Variants in FANCL observed in about 807,000 individuals in gnomAD.
FANCL encodes FA complementation group L.
In FANCL, 69 loss-of-function variants were observed where a neutral mutation model predicts 59.4. The ratio of observed to expected loss-of-function variants is 1.16; its 90% CI spans 0.96 to 1.42. The LOEUF is 1.42. Ranked by LOEUF, FANCL falls within the 40% of genes most tolerant of loss-of-function variation. The probability of loss-of-function intolerance (pLI) is 0.00; values close to 1 mark genes in which losing one functional copy is unlikely to be tolerated. For missense variants in FANCL, 519 were observed against 447.2 expected, an observed-to-expected ratio of 1.16 and a Z score of -1.45; for synonymous variants, 180 against 147.1, an observed-to-expected ratio of 1.22 and a Z score of -1.62.
rs569712852 is a variant in FANCL at position 58,223,920 on chromosome 2, C to A, written c.274-1878G>T. Among the ~76,000 whole-genome samples the A allele has an allele frequency of 3.8e-4, 57 of 151,936 alleles. 1 individual carries two copies. The South Asian group carries it at 0.01, about 27-fold the overall frequency. On this transcript the variant is annotated intron_variant, in intron 4 of 13. Coordinates refer to ENST00000233741, the MANE Select transcript of FANCL (RefSeq NM_018062.4). ...TTTATTGGTGATTATAGTATAGGAA[C>A]CCTATTACTTACAATACAGCCTAAC... is the stretch of plus-strand genomic sequence containing the variant.
At chr2:58,183,561 C>T (rs558774855) in intron 7 of FANCL, among the ~76,000 whole-genome samples, 2 of 152,028 alleles carry the variant, frequency 1.3e-5, no homozygotes, top group African/African-American at 4.8e-5. Flanking sequence ...TTTGTTCTCA[C>T]TCTGCTTCAT....
chr2:58,165,772 C>G lies in FANCL; in HGVS notation c.643G>C (p.Glu215Gln). ...DEIDEKTWVL[E>Q]PEKPPRSATA... ...GCACTCCGTGGAGGTTTTTCTGGCT[C>G]AAGTACCCAGGTCTTCTCATCGATT... Residue 215 changes from glutamate (E) to glutamine (Q), a missense_variant, in exon 8 of 14, where the codon GAG becomes CAG. Coordinates refer to ENST00000233741, the MANE Select transcript of FANCL (RefSeq NM_018062.4). 6.2e-7 allele frequency: 1 copy of G among 1,614,108 alleles called. No homozygotes were observed. The highest frequency in any genetic ancestry group is 8.5e-7 in the Non-Finnish European group (1 of 1,179,992).
In FANCL at chr2:58,229,816, G is replaced by A. The variant is rs1436268523; in HGVS notation, c.214C>T (p.Gln72Ter). Reference protein sequence around the residue: ...ILSGYHRIVQQRMQHSPDLMS... With the variant: ...ILSGYHRIVQ ...TAAACCTTTTAAAAAGGACTTACCTGTTGTACTATTCGATGGTATCCACTA... is the reference window on the plus strand; with the variant it reads ...TAAACCTTTTAAAAAGGACTTACCTATTGTACTATTCGATGGTATCCACTA... Residue 72 changes from glutamine (Q) to a stop codon, truncating the protein, a stop_gained and splice_region_variant, in exon 3 of 14, where the codon CAG becomes TAG. Coordinates refer to ENST00000233741, the MANE Select transcript of FANCL (RefSeq NM_018062.4). LOFTEE classifies it high-confidence loss of function. 1 of 1,605,878 alleles carries A rather than the reference G, an allele frequency of 6.2e-7. No homozygotes were observed. Among genetic ancestry groups the A allele is most frequent in the Non-Finnish European group, 8.5e-7 (1 of 1,172,738 alleles).
chr2:58,159,294 A>C lies in FANCL; in HGVS notation c.*471T>G. The C allele has an allele frequency of 7.3e-7, 1 of 1,362,420 alleles. No individual in the cohort carries two copies. The highest frequency in any genetic ancestry group is 1.0e-6 in the Non-Finnish European group (1 of 993,178). The allele number at this position is 1,362,420 out of a possible 1,614,324, so 84.4% of individuals were successfully genotyped here. ...CATTCTTACACACTACACAAAATAAATACTTGGATAACTCACGTCTAACAA... is the reference window on the plus strand; with the variant it reads ...CATTCTTACACACTACACAAAATAACTACTTGGATAACTCACGTCTAACAA... On this transcript the variant is annotated 3_prime_UTR_variant, in exon 14 of 14. Transcript: ENST00000233741.
chr2:58,173,343 C>T (rs1451845609), intron 7 of FANCL, among the ~76,000 whole-genome samples: 1 of 152,058 alleles, frequency 6.6e-6, no homozygotes, highest in African/African-American at 2.4e-5. Context: ...GTCAGATTCA[C>T]CAAAGTTGAA....
At chr2:58,196,506 T>A (rs527886890) in intron 7 of FANCL, among the ~76,000 whole-genome samples, 21 of 152,094 alleles carry the variant, frequency 1.4e-4, no homozygotes, top group South Asian at 8.3e-4. Context: ...ACAAAACTTG[T>A]ATGACCCAAT....
chr2:58,218,199 T>A (rs1429396305), intron 5 of FANCL, among the ~76,000 whole-genome samples: 2 of 151,970 alleles, frequency 1.3e-5, no homozygotes, highest in East Asian at 3.8e-4. Flanking sequence ...CTTAAATTAA[T>A]ATATAATAAA....
chr2:58,177,942 T>C (rs1687522856), intron 7 of FANCL, among the ~76,000 whole-genome samples: 3 of 152,044 alleles, frequency 2.0e-5, no homozygotes, highest in Non-Finnish European at 2.9e-5. Context: ...CAAACTACTA[T>C]CACAGAATGC....
intron 6 of FANCL, among the ~76,000 whole-genome samples, chr2:58,203,513 G>A (rs1376061439): frequency 6.6e-6 from 1 of 151,664 alleles, no homozygotes; most frequent in Non-Finnish European, 1.5e-5. Flanking sequence ...TTACTTATTT[G>A]TCCAAATTCA....
intron 3 of FANCL, among the ~76,000 whole-genome samples, chr2:58,229,225 A>G (rs1378785123): frequency 2.0e-5 from 3 of 152,182 alleles, no homozygotes; most frequent in African/African-American, 7.2e-5. Flanking sequence ...AATTCTAAAA[A>G]CTATTTTTCT....
intron 7 of FANCL, among the ~76,000 whole-genome samples, chr2:58,168,997 G>A (rs1481502812): frequency 6.6e-6 from 1 of 152,174 alleles, no homozygotes; most frequent in South Asian, 2.1e-4. Flanking sequence ...AGAGCACGTG[G>A]GGAAAGGGGC....
intron 6 of FANCL, among the ~76,000 whole-genome samples, chr2:58,203,192 CTGTG>C (rs574213615): frequency 8.4e-4 from 127 of 151,940 alleles, no homozygotes; most frequent in Admixed American, 2.2e-3. Context: ...CATACATATT[CTGTG>C]TGTGAGAGAA....
chr2:58,237,035 CACTA>C (rs1254277108), intron 1 of FANCL, among the ~76,000 whole-genome samples: 1 of 152,080 alleles, frequency 6.6e-6, no homozygotes, highest in African/African-American at 2.4e-5. Context: ...CACCCCCTCT[CACTA>C]ACTGATAGAA....
At position 58,204,228 on chromosome 2, in the gene FANCL, T is replaced by C; in HGVS notation, c.375-2A>G. ...AAGCAGGTATCCGCATACACAAGTCTGGTGAGCAGAGGAGAATAAAAAATG... is the reference window on the plus strand; with the variant it reads ...AAGCAGGTATCCGCATACACAAGTCCGGTGAGCAGAGGAGAATAAAAAATG... On this transcript the variant is annotated splice_acceptor_variant, in intron 5 of 13. Transcript: ENST00000233741. LOFTEE classifies it high-confidence loss of function. 1.2e-6 allele frequency: 2 copies of C among 1,611,150 alleles called. No individual in the cohort carries two copies. Among genetic ancestry groups the C allele is most frequent in the Non-Finnish European group, 1.7e-6 (2 of 1,177,436 alleles).
chr2:58,165,440 T>A (rs1685803280), intron 8 of FANCL, among the ~76,000 whole-genome samples: 1 of 152,136 alleles, frequency 6.6e-6, no homozygotes, highest in Admixed American at 6.5e-5. Flanking sequence ...AAATTTTGAG[T>A]TACCTGTTCC....
In FANCL at chr2:58,167,424, T is replaced by C. The variant is rs979713098; in HGVS notation, c.541-1550A>G. Reference sequence around the variant, plus strand: ...TATCTCTGTTTCTCCTTTCTCTGTCTGTTTCTACATGTGTATTTAAAATCC... The same window carrying C: ...TATCTCTGTTTCTCCTTTCTCTGTCCGTTTCTACATGTGTATTTAAAATCC... On this transcript the variant is annotated intron_variant, in intron 7 of 13. Coordinates refer to ENST00000233741, the MANE Select transcript of FANCL (RefSeq NM_018062.4). Among the ~76,000 whole-genome samples the C allele has an allele frequency of 1.6e-4, 25 of 152,214 alleles. 1 individual carries two copies. The highest frequency in any genetic ancestry group is 1.2e-3 in the Admixed American group (19 of 15,284).
chr2:58,196,781 C>G (rs1234699090), intron 7 of FANCL, among the ~76,000 whole-genome samples: 1 of 151,734 alleles, frequency 6.6e-6, no homozygotes, highest in South Asian at 2.1e-4. Context: ...CAAAGAAACT[C>G]ATAAACAGTG....
chr2:58,174,639 G>A (rs1342432672), intron 7 of FANCL, among the ~76,000 whole-genome samples: 1 of 152,100 alleles, frequency 6.6e-6, no homozygotes, highest in East Asian at 1.9e-4. Context: ...ATTCAAAGCA[G>A]TGTGTAGAGG....
chr2:58,191,460 C>T (rs1688910488), intron 7 of FANCL, among the ~76,000 whole-genome samples: 1 of 151,624 alleles, frequency 6.6e-6, no homozygotes, highest in Admixed American at 6.6e-5. Flanking sequence ...ACTGTGAAAC[C>T]AAACAGTATT....
Sources: gnomAD v4.1 joint callset for allele counts (sites outside exome capture counted in the v4.1 genomes callset) on GRCh38, gnomAD v4.1.1 for gene constraint, MANE v1.5 for transcripts, NCBI Gene and HGNC (gene_info 2026-07-23, HGNC 2026-07-21) for gene names.